The following FOXN3 variants were observed in gnomAD, a reference collection of about 807,000 sequenced individuals.
The protein encoded by FOXN3 is forkhead box N3, also known as forkhead box protein N3.
FOXN3 carries 7 observed loss-of-function variants against 38.4 expected under a neutral mutation model. The ratio of observed to expected loss-of-function variants is 0.18; its 90% CI spans 0.10 to 0.34. The LOEUF (loss-of-function observed/expected upper bound fraction) is 0.34. FOXN3 is among the 10% of genes least tolerant of loss of function. The pLI, the probability that FOXN3 is intolerant of heterozygous loss-of-function variation, is 1.00. For synonymous variants in FOXN3, 230 were observed against 242.2 expected, an observed-to-expected ratio of 0.95 and a Z score of 0.47; for missense variants, 456 against 613.4, an observed-to-expected ratio of 0.74 and a Z score of 2.71.
At chr14:89,302,827 CG>C (rs2139948520) in intron 3 of FOXN3, among the ~76,000 whole-genome samples, 1 of 152,274 alleles carries the variant, frequency 6.6e-6, no homozygotes, top group South Asian at 2.1e-4. Flanking sequence ...TGCCCACCTC[CG>C]CCCTCTTCAA....
At chr14:89,407,868 C>T (rs971242375) in intron 2 of FOXN3, among the ~76,000 whole-genome samples, 1 of 151,980 alleles carries the variant, frequency 6.6e-6, no homozygotes, top group Non-Finnish European at 1.5e-5. Context: ...GAAACAGCGA[C>T]AACAAAAAAG....
chr14:89,377,974 CA>C (rs1470410663), intron 2 of FOXN3, among the ~76,000 whole-genome samples: 2 of 152,172 alleles, frequency 1.3e-5, no homozygotes, highest in Non-Finnish European at 2.9e-5. Flanking sequence ...GTCTGCAAGC[CA>C]AGAAGAGAGG....
In FOXN3 at chr14:89,548,655, AATG is replaced by A. The variant is rs1894933622; in HGVS notation, c.-15+70370_-15+70372del. Among the ~76,000 whole-genome samples the A allele has an allele frequency of 1.3e-5, 2 of 152,202 alleles. No homozygotes were observed. The highest frequency in any genetic ancestry group is 2.4e-5 in the African/African-American group (1 of 41,454). On this transcript the variant is annotated intron_variant, in intron 1 of 6. Coordinates refer to the FOXN3 transcript ENST00000345097. This position sits in a 1 kb window ranked among gnomAD's most constrained non-coding sequence, Gnocchi z 4.8. ...TGTAAATGTAAGTTATTACCATAAT[AATG>A]ATGACTTTTCTTTTCAATTTATATA...
At chr14:89,437,200 A>C (rs1395581391) in intron 1 of FOXN3, among the ~76,000 whole-genome samples, 5 of 152,024 alleles carry the variant, frequency 3.3e-5, no homozygotes, top group East Asian at 1.9e-4. Flanking sequence ...ACAAAAAAAA[A>C]CAGTATGGCT....
At position 89,413,948 on chromosome 14, in the gene FOXN3, G is replaced by GGGA. The variant is rs1167553507; in HGVS notation, c.-14-1461_-14-1459dup. On this transcript the variant is annotated intron_variant, in intron 1 of 5. Coordinates refer to ENST00000557258, the MANE Select transcript of FOXN3 (RefSeq NM_005197.4). ...AAGAAGCGGGAGGGGGAGGAGAAGG[G>GGGA]GGAGGAGGAGGAGGGATGGAGGAGG... Among the ~76,000 whole-genome samples, 7 of 136,316 alleles carry GGGA rather than the reference G, an allele frequency of 5.1e-5. No homozygotes were observed. In the East Asian group the frequency reaches 1.4e-3, roughly 27 times the overall value. 89.4% of individuals were successfully genotyped at this position (136,316 alleles called of 152,430 possible).
At chr14:89,246,287 A>T (rs543618097) in intron 4 of FOXN3, among the ~76,000 whole-genome samples, 1 of 152,304 alleles carries the variant, frequency 6.6e-6, no homozygotes, top group Admixed American at 6.5e-5. Context: ...TTTACATTTT[A>T]ATTGTGTTAC....
At chr14:89,267,305 C>T (rs1886014165) in intron 4 of FOXN3, among the ~76,000 whole-genome samples, 2 of 152,170 alleles carry the variant, frequency 1.3e-5, no homozygotes, top group Non-Finnish European at 2.9e-5. Flanking sequence ...GTGAGCACTG[C>T]ATCACGTGAT....
intron 2 of FOXN3, among the ~76,000 whole-genome samples, chr14:89,391,410 C>T (rs1179488470): frequency 6.6e-6 from 1 of 152,186 alleles, no homozygotes; most frequent in Non-Finnish European, 1.5e-5. Context: ...CGTCCCTCTG[C>T]CTCTGTACCA....
intron 1 of FOXN3, among the ~76,000 whole-genome samples, chr14:89,482,932 G>A (rs1349163589): frequency 6.7e-6 from 1 of 149,830 alleles, no homozygotes; most frequent in African/African-American, 2.5e-5. Flanking sequence ...AATGGAGCCA[G>A]TGCAGTGGCT....
At chr14:89,494,571 G>A (rs1432301852) in intron 1 of FOXN3, among the ~76,000 whole-genome samples, 1 of 152,206 alleles carries the variant, frequency 6.6e-6, no homozygotes, top group East Asian at 1.9e-4. Context: ...CAGAAAAGGT[G>A]AGCATCTTGT....
chr14:89,475,151 A>C (rs546862572), intron 1 of FOXN3, among the ~76,000 whole-genome samples: 11 of 152,174 alleles, frequency 7.2e-5, no homozygotes, highest in Non-Finnish European at 1.5e-4. Flanking sequence ...CAAATCCTAT[A>C]AAGTGTCCCA....
rs1566681100 is a variant in FOXN3, at chr14:89,511,215, CTTTCTTTCTTTCTTTTCT to C, written c.-14-98743_-14-98726del. On this transcript the variant is annotated intron_variant, in intron 1 of 6. Coordinates refer to the FOXN3 transcript ENST00000345097. ...TTTTCTTTCTTTCTTTTCTTTCTTT[CTTTCTTTCTTTCTTTTCT>C]TTCCTTTTCTTTCTTTTCTTTCTTT... 1.8e-3 allele frequency among the ~76,000 whole-genome samples: 16 copies of C among 8,742 alleles called. 3 individuals carry two copies. The highest frequency in any genetic ancestry group is 0.016 in the South Asian group (4 of 244). The allele number at this position is 8,742 out of a possible 152,430, so 5.7% of individuals were successfully genotyped here.
chr14:89,190,437 T>C, intron 4 of FOXN3: 2 of 1,613,888 alleles, frequency 1.2e-6, no homozygotes, highest in South Asian at 1.1e-5. Flanking sequence ...ACTGGCAGCA[T>C]CAATGTCAGG....
chr14:89,467,265 G>A (rs1023612293), intron 1 of FOXN3, among the ~76,000 whole-genome samples: 3 of 152,138 alleles, frequency 2.0e-5, no homozygotes, highest in Non-Finnish European at 4.4e-5. Flanking sequence ...GCCTGTTCCC[G>A]GGGTGCGTGT....
Position 89,548,163 on chromosome 14 carries a change from C to G in FOXN3, c.-15+70865G>C, listed in dbSNP as rs1894922146. Among the ~76,000 whole-genome samples the G allele has an allele frequency of 6.6e-6, 1 of 152,114 alleles. No homozygotes were observed. Among genetic ancestry groups the G allele is most frequent in the African/African-American group, 2.4e-5 (1 of 41,406 alleles). ...ACACAGCTTTGGGACAAGAAACACC[C>G]CATTCACTTAGAGTAAAAATTACCT... On this transcript the variant is annotated intron_variant, in intron 1 of 6. Transcript: ENST00000345097. This position sits in a 1 kb window ranked among gnomAD's most constrained non-coding sequence, Gnocchi z 4.8.
At chr14:89,498,957 C>A (rs751151525) in intron 1 of FOXN3, among the ~76,000 whole-genome samples, 1 of 152,096 alleles carries the variant, frequency 6.6e-6, no homozygotes, top group African/African-American at 2.4e-5. Flanking sequence ...CTGTGGCTCA[C>A]GATTTAGCCT....
chr14:89,403,080 G>A (rs1262692224), intron 2 of FOXN3, among the ~76,000 whole-genome samples: 1 of 152,138 alleles, frequency 6.6e-6, no homozygotes, highest in Non-Finnish European at 1.5e-5. Flanking sequence ...CACACTGATC[G>A]GCACACTTCC....
At position 89,449,158 on chromosome 14, in the gene FOXN3, G is replaced by A. The variant is rs139734978; in HGVS notation, c.-14-36668C>T. Among the ~76,000 whole-genome samples, 452 of 152,276 alleles carry A rather than the reference G, an allele frequency of 3.0e-3. 1 individual carries two copies. Among genetic ancestry groups the A allele is most frequent in the African/African-American group, 0.011 (440 of 41,556 alleles). ...AGACAAAGTACCCTCTAAATTCAAT[G>A]TATTCCTTTGTTTTGAGGTCTGCTT... is the stretch of plus-strand genomic sequence containing the variant. On this transcript the variant is annotated intron_variant, in intron 1 of 6. Transcript: ENST00000345097.
chr14:89,248,414 A>G (rs1222917802), intron 4 of FOXN3, among the ~76,000 whole-genome samples: 2 of 152,222 alleles, frequency 1.3e-5, no homozygotes, highest in African/African-American at 2.4e-5. Flanking sequence ...TAATTTTGTG[A>G]CTTCATTATT....
Sources: allele counts gnomAD v4.1 joint callset (sites outside exome capture counted in the v4.1 genomes callset), GRCh38; gene constraint gnomAD v4.1.1; non-coding constraint Gnocchi (gnomAD v3.1); transcripts MANE v1.5; gene names NCBI Gene and HGNC (gene_info 2026-07-23, HGNC 2026-07-21).